Variants in CACNA2D1 observed in about 807,000 individuals in gnomAD.
CACNA2D1 encodes voltage-dependent calcium channel subunit alpha-2/delta-1.
Under a neutral mutation model 171.5 loss-of-function variants are expected in CACNA2D1, and 53 were observed. The ratio of observed to expected loss-of-function variants is 0.31; its 90% CI spans 0.25 to 0.39. CACNA2D1 has a LOEUF of 0.39. Among genes scored for constraint, CACNA2D1 ranks in the 10% least tolerant of loss-of-function variants. The pLI, the probability that CACNA2D1 is intolerant of heterozygous loss-of-function variation, is 1.00. For synonymous variants in CACNA2D1, 442 were observed against 443.1 expected (o/e 1.00, Z 0.03); for missense variants, 903 against 1,299.8 (o/e 0.69, Z 4.69).
At chr7:82,120,389 G>T (rs997639305) in intron 5 of CACNA2D1, among the ~76,000 whole-genome samples, 2 of 152,112 alleles carry the variant, frequency 1.3e-5, no homozygotes, top group African/African-American at 4.8e-5. Flanking sequence ...ACTGATTTTA[G>T]AATTTTTTAA....
chr7:82,442,854 C>G (rs916941147), intron 1 of CACNA2D1, among the ~76,000 whole-genome samples: 1 of 152,222 alleles, frequency 6.6e-6, no homozygotes, highest in Non-Finnish European at 1.5e-5. Flanking sequence ...CAAGTGCATC[C>G]AGTAACGTGG....
intron 3 of CACNA2D1, among the ~76,000 whole-genome samples, chr7:82,184,667 A>G (rs752248691): frequency 3.8e-4 from 58 of 152,292 alleles, no homozygotes; most frequent in Non-Finnish European, 6.6e-4. Flanking sequence ...TCTCAAGTAC[A>G]AAGTTCAAGA....
intron 1 of CACNA2D1, among the ~76,000 whole-genome samples, chr7:82,415,654 G>A (rs1464918928): frequency 1.3e-5 from 2 of 152,072 alleles, no homozygotes; most frequent in Admixed American, 6.5e-5. Context: ...TAGGCTGTGT[G>A]CCACATAAGA....
intron 6 of CACNA2D1, among the ~76,000 whole-genome samples, chr7:82,094,540 C>T (rs1388966120): frequency 1.3e-5 from 2 of 152,140 alleles, no homozygotes; most frequent in Non-Finnish European, 2.9e-5. Flanking sequence ...TTTTAATGTA[C>T]TCATTAGAGT....
intron 3 of CACNA2D1, among the ~76,000 whole-genome samples, chr7:82,178,954 C>A (rs1365710105): frequency 6.6e-6 from 1 of 152,212 alleles, no homozygotes; most frequent in Admixed American, 6.6e-5. Context: ...CATTTCCAAG[C>A]ATTTTCAAGG....
intron 1 of CACNA2D1, among the ~76,000 whole-genome samples, chr7:82,401,565 G>C (rs1826418559): frequency 7.3e-6 from 1 of 136,668 alleles, no homozygotes; most frequent in African/African-American, 2.7e-5. Context: ...GTGGGGTGAG[G>C]GGAGGGGGGA....
chr7:82,276,523 C>T lies in CACNA2D1; in HGVS notation c.294+58612G>A, dbSNP rs1284746053. 2.0e-5 allele frequency among the ~76,000 whole-genome samples: 3 copies of T among 152,144 alleles called. No individual in the cohort carries two copies. In the East Asian group the frequency reaches 5.8e-4, roughly 29 times the overall value. On this transcript the variant is annotated intron_variant, in intron 3 of 38. Coordinates refer to ENST00000356860, the MANE Select transcript of CACNA2D1 (RefSeq NM_000722.4). ...TAGCAATGTAAACTATGTTTCTGTT[C>T]AGGGATGGTGGCAAGAGTGTCCTCC... is the stretch of plus-strand genomic sequence containing the variant.
At chr7:82,255,489 T>G (rs1032159917) in intron 3 of CACNA2D1, among the ~76,000 whole-genome samples, 7 of 152,194 alleles carry the variant, frequency 4.6e-5, no homozygotes, top group Admixed American at 3.3e-4. Context: ...ACCAACACAG[T>G]TGGCATAACA....
intron 3 of CACNA2D1, among the ~76,000 whole-genome samples, chr7:82,200,911 G>A (rs971421467): frequency 2.0e-5 from 3 of 152,198 alleles, no homozygotes; most frequent in Non-Finnish European, 4.4e-5. Context: ...ACTGGAGAAC[G>A]ATAAGGCATG....
intron 3 of CACNA2D1, among the ~76,000 whole-genome samples, chr7:82,293,071 C>T (rs1006795909): frequency 8.6e-5 from 13 of 151,504 alleles, no homozygotes; most frequent in African/African-American, 2.9e-4. Flanking sequence ...ATTTCTTTGC[C>T]TTTTTTCTAG....
In CACNA2D1 at chr7:82,104,145, C is replaced by A. The variant is rs150486400; in HGVS notation, c.526+12899G>T. Among the ~76,000 whole-genome samples the A allele has an allele frequency of 4.3e-3, 660 of 151,974 alleles. 4 individuals are homozygous for A. Among genetic ancestry groups the A allele is most frequent in the East Asian group, 0.015 (76 of 5,172 alleles). ...TTAATTAAATTAATTTGCATTTGAG[C>A]AAATTTAATTAATTGTATAATTCAT... is the stretch of plus-strand genomic sequence containing the variant. On this transcript the variant is annotated intron_variant, in intron 6 of 38. Transcript: ENST00000356860.
intron 2 of CACNA2D1, among the ~76,000 whole-genome samples, chr7:82,340,791 A>G (rs1585567646): frequency 6.6e-6 from 1 of 152,188 alleles, no homozygotes; most frequent in South Asian, 2.1e-4. Context: ...ATGAACATAC[A>G]TACATACATT....
intron 3 of CACNA2D1, among the ~76,000 whole-genome samples, chr7:82,224,892 G>C (rs1484885012): frequency 6.6e-6 from 1 of 152,024 alleles, no homozygotes; most frequent in Non-Finnish European, 1.5e-5. Flanking sequence ...AATCATTCAT[G>C]AGGCATAAAT....
At chr7:82,038,861 G>A (rs754377187) in intron 10 of CACNA2D1, among the ~76,000 whole-genome samples, 2 of 152,168 alleles carry the variant, frequency 1.3e-5, no homozygotes, top group Non-Finnish European at 1.5e-5. Context: ...CAGAGAGGCT[G>A]TGGGAGAGAA....
At chr7:82,224,704 G>A (rs1333744894) in intron 3 of CACNA2D1, among the ~76,000 whole-genome samples, 4 of 152,196 alleles carry the variant, frequency 2.6e-5, no homozygotes, top group African/African-American at 4.8e-5. Flanking sequence ...AACTGCTCCT[G>A]TTCATCAATC....
intron 3 of CACNA2D1, among the ~76,000 whole-genome samples, chr7:82,187,976 T>C (rs531857315): frequency 9.2e-5 from 14 of 152,264 alleles, no homozygotes; most frequent in South Asian, 2.1e-4. Flanking sequence ...TGAATTCTAA[T>C]TGTAGCTCTT....
chr7:82,436,147 C>A (rs1830103158), intron 1 of CACNA2D1, among the ~76,000 whole-genome samples: 1 of 152,036 alleles, frequency 6.6e-6, no homozygotes, highest in Non-Finnish European at 1.5e-5. Context: ...TAATAATCAT[C>A]ATCACGTTAA....
intron 17 of CACNA2D1, 83 bp from the exon 18 acceptor site, chr7:82,005,580 A>AAAAG: frequency 2.2e-6 from 2 of 919,260 alleles, no homozygotes; most frequent in Non-Finnish European, 3.5e-6. Flanking sequence ...ATAATGTATT[A>AAAAG]AATACACATT....
At chr7:82,230,498 G>A (rs1450197539) in intron 3 of CACNA2D1, among the ~76,000 whole-genome samples, 1 of 152,050 alleles carries the variant, frequency 6.6e-6, no homozygotes, top group Non-Finnish European at 1.5e-5. Context: ...ATGTATCTAA[G>A]ACTGCATATG....
Sources: gnomAD v4.1 joint callset for allele counts (sites outside exome capture counted in the v4.1 genomes callset) on GRCh38, gnomAD v4.1.1 for gene constraint, MANE v1.5 for transcripts, NCBI Gene and HGNC (gene_info 2026-07-23, HGNC 2026-07-21) for gene names.